Variants in PLCXD3 observed in about 807,000 individuals in gnomAD.
PLCXD3 encodes phosphatidylinositol specific phospholipase C X domain containing 3.
In PLCXD3, 19 loss-of-function variants were observed where a neutral mutation model predicts 25.5. The observed-to-expected ratio is 0.75, with a 90% CI of 0.52 to 1.09. The LOEUF is 1.09. Ranked by LOEUF, PLCXD3 falls within the 50% of genes least tolerant of loss-of-function variation. The pLI, the probability that PLCXD3 is intolerant of heterozygous loss-of-function variation, is 0.00. For missense variants in PLCXD3, 411 were observed against 388.1 expected (o/e 1.06, Z -0.50); for synonymous variants, 174 against 137.6 (o/e 1.26, Z -1.85).
chr5:41,330,282 G>T (rs147224158), intron 2 of PLCXD3, among the ~76,000 whole-genome samples: 1,792 of 152,198 alleles, frequency 0.012, 43 homozygotes, highest in African/African-American at 0.042. Context: ...CGATCCCACA[G>T]AAATACAAAC....
chr5:41,427,501 C>A (rs890715572), intron 1 of PLCXD3, among the ~76,000 whole-genome samples: 1 of 152,140 alleles, frequency 6.6e-6, no homozygotes, highest in African/African-American at 2.4e-5. Context: ...TTATTTTACT[C>A]TCCTTAATAA....
At chr5:41,399,739 T>G (rs545598876) in intron 1 of PLCXD3, among the ~76,000 whole-genome samples, 1 of 152,206 alleles carries the variant, frequency 6.6e-6, no homozygotes, top group Non-Finnish European at 1.5e-5. Context: ...ACTATGAGAC[T>G]ACTACAAGAA....
chr5:41,403,394 A>ATTTTTTTTTTTTTTTTTTTTT (rs1554047940), intron 1 of PLCXD3, among the ~76,000 whole-genome samples: 1 of 15,720 alleles, frequency 6.4e-5, no homozygotes, highest in Non-Finnish European at 1.7e-4. Context: ...AGATTGACTT[A>ATTTTTTTTTTTTTTTTTTTTT]TTTGTTGTTT....
chr5:41,347,485 A>G (rs2150479798), intron 2 of PLCXD3, among the ~76,000 whole-genome samples: 1 of 152,296 alleles, frequency 6.6e-6, no homozygotes, highest in Admixed American at 6.5e-5. Context: ...TATAGACACC[A>G]TTCTACATTG....
intron 2 of PLCXD3, among the ~76,000 whole-genome samples, chr5:41,316,964 G>A (rs917483471): frequency 6.6e-6 from 1 of 152,208 alleles, no homozygotes; most frequent in Non-Finnish European, 1.5e-5. Context: ...AGACGTGGCT[G>A]GCTTTGCCAC....
intron 2 of PLCXD3, among the ~76,000 whole-genome samples, chr5:41,345,384 A>G (rs1237478246): frequency 6.6e-6 from 1 of 152,176 alleles, no homozygotes; most frequent in African/African-American, 2.4e-5. Flanking sequence ...ATTGGAACCC[A>G]TTATGCTAAA....
At chr5:41,400,238 G>A (rs2150499431) in intron 1 of PLCXD3, among the ~76,000 whole-genome samples, 1 of 152,220 alleles carries the variant, frequency 6.6e-6, no homozygotes, top group South Asian at 2.1e-4. Context: ...CACTGTTGGT[G>A]GGAATGTAAA....
chr5:41,333,180 C>T (rs192228139), intron 2 of PLCXD3, among the ~76,000 whole-genome samples: 248 of 152,146 alleles, frequency 1.6e-3, no homozygotes, highest in Non-Finnish European at 2.3e-3. Context: ...CTGCCCGTCC[C>T]AACCCAGCCT....
chr5:41,400,744 A>T (rs1295014136), intron 1 of PLCXD3, among the ~76,000 whole-genome samples: 1 of 152,062 alleles, frequency 6.6e-6, no homozygotes, highest in Admixed American at 6.6e-5. Flanking sequence ...GTACAAAAAA[A>T]CTAGTTAAAG....
Position 41,322,319 on chromosome 5 carries a change from T to C in PLCXD3, c.813-8549A>G, listed in dbSNP as rs562380438. On this transcript the variant is annotated intron_variant, in intron 2 of 2. Transcript: ENST00000377801. The stretch of plus-strand genomic sequence containing the variant: ...GACATACAAATGGCAAACAGACATA[T>C]GAACATATGCTCAACATCATTGATT... Among the ~76,000 whole-genome samples, 22 of 152,330 alleles carry C rather than the reference T, an allele frequency of 1.4e-4. 1 individual carries two copies. The South Asian group carries it at 4.3e-3, about 30-fold the overall frequency.
chr5:41,404,732 G>C (rs77288739), intron 1 of PLCXD3, among the ~76,000 whole-genome samples: 1 of 151,968 alleles, frequency 6.6e-6, no homozygotes, highest in African/African-American at 2.4e-5. Flanking sequence ...ATGAACTTCC[G>C]GTTGGTCTCT....
intron 1 of PLCXD3, among the ~76,000 whole-genome samples, chr5:41,506,486 G>A (rs531421554): frequency 8.5e-5 from 13 of 152,108 alleles, no homozygotes; most frequent in African/African-American, 3.1e-4. Context: ...TAATAAATGG[G>A]GTAGGAGGTG....
At chr5:41,420,236 AG>A (rs1471227988) in intron 1 of PLCXD3, among the ~76,000 whole-genome samples, 3 of 152,344 alleles carry the variant, frequency 2.0e-5, no homozygotes, top group Non-Finnish European at 2.9e-5. Context: ...TTAACTAGAG[AG>A]TAAAACAAAA....
In PLCXD3 at chr5:41,402,337, T is replaced by C. The variant is rs78486598; in HGVS notation, c.104-19803A>G. On this transcript the variant is annotated intron_variant, in intron 1 of 2. Transcript: ENST00000377801. ...ATAATTTTCCCTCTGATTTATTCTT[T>C]AACCTCTAAGTAATTTATAAATGTG... Among the ~76,000 whole-genome samples, 896 of 151,938 alleles carry C rather than the reference T, an allele frequency of 5.9e-3. 6 individuals are homozygous for C. Among genetic ancestry groups the C allele is most frequent in the African/African-American group, 0.02 (840 of 41,562 alleles).
At chr5:41,490,871 C>T (rs1206165221) in intron 1 of PLCXD3, among the ~76,000 whole-genome samples, 1 of 152,014 alleles carries the variant, frequency 6.6e-6, no homozygotes, top group Admixed American at 6.6e-5. Flanking sequence ...TTTGTTGATC[C>T]TTTCAAGAAA....
At chr5:41,338,414 A>C (rs1195650261) in intron 2 of PLCXD3, among the ~76,000 whole-genome samples, 2 of 152,094 alleles carry the variant, frequency 1.3e-5, no homozygotes, top group African/African-American at 4.8e-5. Context: ...TGACCTGAGA[A>C]TAGCCCTGCT....
chr5:41,500,205 G>A (rs1413834270), intron 1 of PLCXD3, among the ~76,000 whole-genome samples: 1 of 151,764 alleles, frequency 6.6e-6, no homozygotes, highest in Non-Finnish European at 1.5e-5. Context: ...AAGAAAATGT[G>A]GCATGTATAC....
chr5:41,333,031 A>C lies in PLCXD3; in HGVS notation c.813-19261T>G, dbSNP rs188612588. ...AACGGGTGCAGCACACCAGCATGGC[A>C]CATGTATACATTTGTAACTAACCTG... On this transcript the variant is annotated intron_variant, in intron 2 of 2. Coordinates refer to ENST00000377801, the MANE Select transcript of PLCXD3 (RefSeq NM_001005473.3). 5.3e-3 allele frequency among the ~76,000 whole-genome samples: 800 copies of C among 152,280 alleles called. 2 individuals carry two copies. Among genetic ancestry groups the C allele is most frequent in the Non-Finnish European group, 7.9e-3 (539 of 68,028 alleles).
intron 1 of PLCXD3, among the ~76,000 whole-genome samples, chr5:41,459,114 A>T (rs533272424): frequency 1.1e-4 from 17 of 152,032 alleles, no homozygotes; most frequent in Admixed American, 3.3e-4. Flanking sequence ...ATAGAAAAAT[A>T]GTAGAGTTAT....
Sources: allele counts gnomAD v4.1 joint callset (sites outside exome capture counted in the v4.1 genomes callset), GRCh38; gene constraint gnomAD v4.1.1; transcripts MANE v1.5; gene names NCBI Gene and HGNC (gene_info 2026-07-23, HGNC 2026-07-21).